SEMA3E: variants seen among roughly 807,000 people sequenced by gnomAD.
SEMA3E encodes the protein semaphorin-3E.
SEMA3E carries 49 observed loss-of-function variants against 93.6 expected under a neutral mutation model. The observed-to-expected ratio is 0.52, with a 90% CI of 0.42 to 0.66. The LOEUF (loss-of-function observed/expected upper bound fraction) is 0.66. Among genes scored for constraint, SEMA3E ranks in the 30% least tolerant of loss-of-function variants. The pLI is 0.00. For synonymous variants in SEMA3E, 363 were observed against 330.7 expected (o/e 1.10, Z -1.06); for missense variants, 906 against 964.8 (o/e 0.94, Z 0.81).
chr7:83,498,592 C>A (rs1013291250), intron 1 of SEMA3E, among the ~76,000 whole-genome samples: 1 of 152,012 alleles, frequency 6.6e-6, no homozygotes, highest in Non-Finnish European at 1.5e-5. Context: ...ATTCTCTTGC[C>A]TCAGGCCCCT....
intron 1 of SEMA3E, among the ~76,000 whole-genome samples, chr7:83,537,397 T>TC (rs1791428698): frequency 6.6e-6 from 1 of 152,176 alleles, no homozygotes; most frequent in African/African-American, 2.4e-5. Flanking sequence ...ACTTGGGAAA[T>TC]CCCCGCTCCC....
At chr7:83,438,478 T>TAATA (rs1392410629) in intron 4 of SEMA3E, among the ~76,000 whole-genome samples, 2 of 152,152 alleles carry the variant, frequency 1.3e-5, no homozygotes, top group Non-Finnish European at 2.9e-5. Flanking sequence ...CCAAGAACTT[T>TAATA]AATAAATGTA....
chr7:83,606,546 G>C (rs1408851932), intron 1 of SEMA3E, among the ~76,000 whole-genome samples: 1 of 145,850 alleles, frequency 6.9e-6, no homozygotes, highest in Non-Finnish European at 1.5e-5. Context: ...CTCACGCATA[G>C]GTGGGAATTG....
At chr7:83,403,101 C>T (rs1283331395) in intron 9 of SEMA3E, among the ~76,000 whole-genome samples, 1 of 151,816 alleles carries the variant, frequency 6.6e-6, no homozygotes, top group Admixed American at 6.6e-5. Context: ...TTAACAAAGG[C>T]TTATTCCCAA....
intron 1 of SEMA3E, among the ~76,000 whole-genome samples, chr7:83,529,756 T>A (rs1791247402): frequency 6.6e-6 from 1 of 152,114 alleles, no homozygotes. Flanking sequence ...AGTATTAGTA[T>A]TCTCTCAATA....
Position 83,638,205 on chromosome 7 carries a change from C to A in SEMA3E, c.115+10223G>T, listed in dbSNP as rs183473941. Among the ~76,000 whole-genome samples, 822 of 152,212 alleles carry A rather than the reference C, an allele frequency of 5.4e-3. 6 individuals are homozygous for A. Among genetic ancestry groups the A allele is most frequent in the Non-Finnish European group, 9.4e-3 (637 of 68,008 alleles). On this transcript the variant is annotated intron_variant, in intron 1 of 16. Coordinates refer to ENST00000643230, the MANE Select transcript of SEMA3E (RefSeq NM_012431.3). ...TTGTGTGGAAACAACACAGCTTTAT[C>A]GTGCATGGTGAGCAATGAGGTCATT... is the stretch of plus-strand genomic sequence containing the variant.
At chr7:83,607,534 T>G (rs1032377208) in intron 1 of SEMA3E, among the ~76,000 whole-genome samples, 1 of 152,312 alleles carries the variant, frequency 6.6e-6, no homozygotes, top group Non-Finnish European at 1.5e-5. Context: ...TTTTAATATT[T>G]ATAAGATTCT....
intron 2 of SEMA3E, among the ~76,000 whole-genome samples, chr7:83,474,924 A>G (rs2115914272): frequency 6.6e-6 from 1 of 152,164 alleles, no homozygotes; most frequent in African/African-American, 2.4e-5. Flanking sequence ...CTGTGGATGT[A>G]TAAATTATTC....
At chr7:83,595,609 T>C (rs1007802584) in intron 1 of SEMA3E, among the ~76,000 whole-genome samples, 3 of 152,130 alleles carry the variant, frequency 2.0e-5, no homozygotes, top group African/African-American at 7.2e-5. Context: ...TTCTGCAGTA[T>C]ATATTCATCC....
At chr7:83,372,013 G>T in intron 16 of SEMA3E, 1 of 349,938 alleles carries the variant, frequency 2.9e-6, no homozygotes, top group Non-Finnish European at 5.1e-6. Context: ...AGTTTTTAAA[G>T]GGCAAAGACC....
At chr7:83,467,143 C>A (rs1195933463) in intron 3 of SEMA3E, among the ~76,000 whole-genome samples, 2 of 147,258 alleles carry the variant, frequency 1.4e-5, no homozygotes, top group Non-Finnish European at 3.0e-5. Flanking sequence ...CAGCTCACTG[C>A]AGCCTCGCAT....
chr7:83,546,660 G>C (rs896725062), intron 1 of SEMA3E, among the ~76,000 whole-genome samples: 9 of 151,994 alleles, frequency 5.9e-5, no homozygotes, highest in African/African-American at 2.2e-4. Context: ...CTTCTTATTA[G>C]TGTCTTAAAC....
chr7:83,582,958 C>T (rs1792543461), intron 1 of SEMA3E, among the ~76,000 whole-genome samples: 1 of 151,882 alleles, frequency 6.6e-6, no homozygotes, highest in Non-Finnish European at 1.5e-5. Context: ...TTAAAATGTG[C>T]TTTACTTTTT....
rs193260899 is a variant in SEMA3E, at chr7:83,626,835, A to G, written c.115+21593T>C. On this transcript the variant is annotated intron_variant, in intron 1 of 16. Coordinates refer to ENST00000643230, the MANE Select transcript of SEMA3E (RefSeq NM_012431.3). ...TTAGATCTTTCCCACTTTCTCCTGTAGGGATTTAGTGCCATAAATTTCCCT... is the reference window on the plus strand; with the variant it reads ...TTAGATCTTTCCCACTTTCTCCTGTGGGGATTTAGTGCCATAAATTTCCCT... Among the ~76,000 whole-genome samples the G allele has an allele frequency of 9.6e-4, 146 of 152,120 alleles. 1 individual carries two copies. In the East Asian group the frequency reaches 0.028, roughly 29 times the overall value.
chr7:83,468,000 T>G (rs1433825512), intron 3 of SEMA3E, among the ~76,000 whole-genome samples: 1 of 152,188 alleles, frequency 6.6e-6, no homozygotes, highest in African/African-American at 2.4e-5. Flanking sequence ...AAAAATAAAT[T>G]ATGAAATAAA....
chr7:83,547,223 G>A (rs908908129), intron 1 of SEMA3E, among the ~76,000 whole-genome samples: 2 of 152,018 alleles, frequency 1.3e-5, no homozygotes, highest in African/African-American at 4.8e-5. Flanking sequence ...TCTTTATGAA[G>A]TAATATTTTA....
At chr7:83,523,055 G>A (rs1031385983) in intron 1 of SEMA3E, among the ~76,000 whole-genome samples, 3 of 152,202 alleles carry the variant, frequency 2.0e-5, no homozygotes, top group South Asian at 2.1e-4. Context: ...GCATAAGAAC[G>A]GGGTGAATCC....
chr7:83,590,657 G>A (rs1335064887), intron 1 of SEMA3E, among the ~76,000 whole-genome samples: 1 of 152,076 alleles, frequency 6.6e-6, no homozygotes, highest in Non-Finnish European at 1.5e-5. Context: ...AAAAAACTTA[G>A]CTGCATGGAA....
intron 2 of SEMA3E, among the ~76,000 whole-genome samples, chr7:83,486,450 T>C (rs1204713152): frequency 6.6e-6 from 1 of 152,012 alleles, no homozygotes; most frequent in African/African-American, 2.4e-5. Flanking sequence ...AGGAAAAAAT[T>C]GAGACAGTAA....
Sources: gnomAD v4.1 joint callset for allele counts (sites outside exome capture counted in the v4.1 genomes callset) on GRCh38, gnomAD v4.1.1 for gene constraint, MANE v1.5 for transcripts, NCBI Gene and HGNC (gene_info 2026-07-23, HGNC 2026-07-21) for gene names.